DPY19L2: variants seen among roughly 807,000 people sequenced by gnomAD.
DPY19L2 encodes the protein probable C-mannosyltransferase DPY19L2.
Under a neutral mutation model 97.9 loss-of-function variants are expected in DPY19L2, and 34 were observed. That is an observed-to-expected ratio of 0.35 (90% CI 0.26 to 0.46). The LOEUF (loss-of-function observed/expected upper bound fraction) is 0.46. Ranked by LOEUF, DPY19L2 falls within the 20% of genes least tolerant of loss-of-function variation. The pLI is 1.00. For synonymous variants in DPY19L2, 230 were observed against 307.9 expected (o/e 0.75, Z 2.65); for missense variants, 623 against 911.4 (o/e 0.68, Z 4.07).
intron 11 of DPY19L2, among the ~76,000 whole-genome samples, chr12:63,614,711 G>T (rs1231976152): frequency 6.6e-6 from 1 of 151,988 alleles, no homozygotes; most frequent in Non-Finnish European, 1.5e-5. Flanking sequence ...CTACATTCTT[G>T]AATTTGATTT....
At chr12:63,629,114 G>A (rs952536483) in intron 6 of DPY19L2, among the ~76,000 whole-genome samples, 2 of 152,006 alleles carry the variant, frequency 1.3e-5, no homozygotes, top group Non-Finnish European at 2.9e-5. Flanking sequence ...CAAAGATGGG[G>A]AAAAAACAGA....
intron 4 of DPY19L2, among the ~76,000 whole-genome samples, chr12:63,649,396 C>A (rs943197822): frequency 2.0e-5 from 3 of 151,948 alleles, no homozygotes; most frequent in Non-Finnish European, 4.4e-5. Context: ...CAAGTTGGTT[C>A]TTTGAAAGAA....
At chr12:63,592,653 G>A (rs1226258868) in intron 16 of DPY19L2, among the ~76,000 whole-genome samples, 6 of 146,460 alleles carry the variant, frequency 4.1e-5, no homozygotes, top group Non-Finnish European at 9.1e-5. Flanking sequence ...ATGGATTAAA[G>A]ACTTAAACGT....
At chr12:63,597,352 A>G (rs1271678974) in intron 14 of DPY19L2, among the ~76,000 whole-genome samples, 2 of 152,126 alleles carry the variant, frequency 1.3e-5, no homozygotes, top group Non-Finnish European at 2.9e-5. Context: ...ATGAATTTTT[A>G]TATGTTCATT....
rs149632301 is a variant in DPY19L2 at position 63,578,165 on chromosome 12, A to G, written c.1900+2497T>C. Reference sequence around the variant, plus strand: ...AAAAGAATGAGATCCTATCCATAACATGGATGGAACTGGAGGTCATTACAT... The same window carrying G: ...AAAAGAATGAGATCCTATCCATAACGTGGATGGAACTGGAGGTCATTACAT... On this transcript the variant is annotated intron_variant, in intron 19 of 21. Coordinates refer to ENST00000324472, the MANE Select transcript of DPY19L2 (RefSeq NM_173812.5). Among the ~76,000 whole-genome samples the G allele has an allele frequency of 1.6e-3, 250 of 152,242 alleles. 1 individual carries two copies. The highest frequency in any genetic ancestry group is 0.014 in the Middle Eastern group (4 of 294).
chr12:63,593,199 A>G (rs1208276537), intron 16 of DPY19L2, among the ~76,000 whole-genome samples: 6 of 152,216 alleles, frequency 3.9e-5, no homozygotes, highest in Admixed American at 3.3e-4. Context: ...GTGGGACTGT[A>G]AACTAGTTCA....
intron 4 of DPY19L2, among the ~76,000 whole-genome samples, chr12:63,648,496 G>A (rs1018239274): frequency 3.3e-5 from 5 of 151,104 alleles, no homozygotes; most frequent in Non-Finnish European, 7.4e-5. Context: ...GCATGATCTC[G>A]GCTCACTGCA....
At chr12:63,636,020 G>A (rs764348032) in intron 6 of DPY19L2, among the ~76,000 whole-genome samples, 2 of 152,104 alleles carry the variant, frequency 1.3e-5, no homozygotes, top group African/African-American at 4.8e-5. Flanking sequence ...GTAAAGGGCA[G>A]CCAGAGAGAA....
At chr12:63,636,306 C>T (rs1325711674) in intron 6 of DPY19L2, among the ~76,000 whole-genome samples, 1 of 152,140 alleles carries the variant, frequency 6.6e-6, no homozygotes, top group Non-Finnish European at 1.5e-5. Flanking sequence ...ACAACCGATA[C>T]CAGCCACTGC....
At chr12:63,651,803 C>T (rs1592734239) in intron 4 of DPY19L2, 2 of 313,700 alleles carry the variant, frequency 6.4e-6, no homozygotes, top group East Asian at 1.8e-4. Flanking sequence ...ACCCCGGTGT[C>T]CTTGACCGCA....
chr12:63,634,424 T>G (rs1891284054), intron 6 of DPY19L2, among the ~76,000 whole-genome samples: 1 of 152,072 alleles, frequency 6.6e-6, no homozygotes, highest in Non-Finnish European at 1.5e-5. Flanking sequence ...ACTGAAGTAC[T>G]GGGTTCATCT....
At chr12:63,618,950 G>T (rs778771032) in intron 9 of DPY19L2, among the ~76,000 whole-genome samples, 4 of 152,112 alleles carry the variant, frequency 2.6e-5, no homozygotes, top group Non-Finnish European at 2.9e-5. Flanking sequence ...GTTATGCTTT[G>T]TTGGTCACAT....
At chr12:63,574,600 A>G (rs1411888009) in intron 19 of DPY19L2, among the ~76,000 whole-genome samples, 1 of 152,008 alleles carries the variant, frequency 6.6e-6, no homozygotes, top group Non-Finnish European at 1.5e-5. Context: ...GACTGAAAAC[A>G]AAGGGATGGA....
chr12:63,662,182 A>G (rs1341596743), intron 3 of DPY19L2, among the ~76,000 whole-genome samples: 1 of 152,170 alleles, frequency 6.6e-6, no homozygotes, highest in Admixed American at 6.5e-5. Context: ...AGTTTCCCCA[A>G]CTAGAAGAAA....
intron 19 of DPY19L2, among the ~76,000 whole-genome samples, chr12:63,574,342 C>T (rs993588112): frequency 1.3e-5 from 2 of 151,522 alleles, no homozygotes; most frequent in African/African-American, 4.8e-5. Context: ...AAATAAAAAG[C>T]AATAAACTAA....
At chr12:63,608,503 T>C in intron 12 of DPY19L2, 113 bp downstream of exon 12, 2 of 980,456 alleles carry the variant, frequency 2.0e-6, no homozygotes. Flanking sequence ...TTTAAGACAG[T>C]AGCTATTTAT....
At chr12:63,646,353 G>T (rs1419818395) in intron 5 of DPY19L2, among the ~76,000 whole-genome samples, 1 of 152,022 alleles carries the variant, frequency 6.6e-6, no homozygotes, top group Non-Finnish European at 1.5e-5. Flanking sequence ...ATTTTATGAG[G>T]CATTTTCTCC....
intron 6 of DPY19L2, among the ~76,000 whole-genome samples, chr12:63,638,130 C>T (rs1160537916): frequency 1.3e-5 from 2 of 152,084 alleles, no homozygotes; most frequent in African/African-American, 2.4e-5. Flanking sequence ...TCAATAGATG[C>T]AGAAAAGGCC....
chr12:63,565,074 T>C (rs1410167176), intron 21 of DPY19L2, among the ~76,000 whole-genome samples: 1 of 152,194 alleles, frequency 6.6e-6, no homozygotes, highest in Non-Finnish European at 1.5e-5. Flanking sequence ...CACATGTCCT[T>C]TTCCTATCTG....
Sources: allele counts gnomAD v4.1 joint callset (sites outside exome capture counted in the v4.1 genomes callset), GRCh38; gene constraint gnomAD v4.1.1; transcripts MANE v1.5; gene names NCBI Gene and HGNC (gene_info 2026-07-23, HGNC 2026-07-21).